Variants in PSPC1 observed in about 807,000 individuals in gnomAD.
PSPC1 encodes paraspeckle component 1, also known as paraspeckle protein 1.
Under a neutral mutation model 51.6 loss-of-function variants are expected in PSPC1, and 14 were observed. The ratio of observed to expected loss-of-function variants is 0.27; its 90% CI spans 0.18 to 0.42. The LOEUF (loss-of-function observed/expected upper bound fraction) is 0.42, where lower values mean the gene tolerates loss of function less well. PSPC1 is among the 10% of genes least tolerant of loss of function. The pLI is 1.00. For synonymous variants in PSPC1, 193 were observed against 231.9 expected (o/e 0.83, Z 1.53); for missense variants, 406 against 701.1 (o/e 0.58, Z 4.75).
chr13:19,744,574 C>CT lies in PSPC1; in HGVS notation c.968-2926dup, dbSNP rs576877307. On this transcript the variant is annotated intron_variant, in intron 4 of 8. Coordinates refer to ENST00000338910, the MANE Select transcript of PSPC1 (RefSeq NM_001354909.2). ...AGATGTCTTTTTTTTTCTTTTTTTT[C>CT]TTTTTTTTGAGACAGAGTCTCGCTT... 8.8e-3 allele frequency among the ~76,000 whole-genome samples: 1,292 copies of CT among 147,470 alleles called. 21 individuals are homozygous for CT. Among genetic ancestry groups the CT allele is most frequent in the African/African-American group, 0.031 (1,235 of 40,236 alleles).
chr13:19,714,572 G>A (rs1225325991), intron 6 of PSPC1, among the ~76,000 whole-genome samples: 1 of 145,360 alleles, frequency 6.9e-6, no homozygotes, highest in Non-Finnish European at 1.5e-5. Flanking sequence ...CTCAACTCAT[G>A]CAGCCTCTGA....
At chr13:19,743,391 A>G (rs1055387944) in intron 4 of PSPC1, among the ~76,000 whole-genome samples, 2 of 152,216 alleles carry the variant, frequency 1.3e-5, no homozygotes, top group Non-Finnish European at 2.9e-5. Flanking sequence ...CCCAAACTTC[A>G]TAACAATAGC....
chr13:19,744,042 AGGCTGC>A (rs1435703925), intron 4 of PSPC1, among the ~76,000 whole-genome samples: 1 of 152,174 alleles, frequency 6.6e-6, no homozygotes, highest in Non-Finnish European at 1.5e-5. Flanking sequence ...CGGGAGGCGG[AGGCTGC>A]AGTGGGCTGA....
intron 6 of PSPC1, among the ~76,000 whole-genome samples, chr13:19,692,005 A>G (rs1366807412): frequency 6.6e-6 from 1 of 152,160 alleles, no homozygotes; most frequent in Non-Finnish European, 1.5e-5. Context: ...GAGGTAGATG[A>G]GGTTGGAAAG....
chr13:19,746,484 G>A (rs1327595542), intron 4 of PSPC1, among the ~76,000 whole-genome samples: 2 of 152,076 alleles, frequency 1.3e-5, no homozygotes, highest in East Asian at 3.9e-4. Context: ...TGACACTTTG[G>A]GAGGCTGAGG....
chr13:19,671,965 T>C (rs975656986), downstream of PSPC1: 19 of 1,366,500 alleles, frequency 1.4e-5, no homozygotes, highest in Non-Finnish European at 1.9e-5. Flanking sequence ...CACATCTATG[T>C]AAAGTTTTGT....
chr13:19,760,067 T>C (rs909532927), intron 2 of PSPC1, among the ~76,000 whole-genome samples: 1 of 152,144 alleles, frequency 6.6e-6, no homozygotes, highest in Non-Finnish European at 1.5e-5. Context: ...GCTTCAGCTA[T>C]TGATTGATTT....
chr13:19,749,385 T>C (rs1260494149), intron 4 of PSPC1, among the ~76,000 whole-genome samples: 1 of 151,562 alleles, frequency 6.6e-6, no homozygotes, highest in Non-Finnish European at 1.5e-5. Flanking sequence ...CTGGGCGTGG[T>C]AGCACGCACC....
intron 1 of PSPC1, among the ~76,000 whole-genome samples, chr13:19,779,413 G>T (rs28483224): frequency 1.2e-5 from 1 of 84,446 alleles, no homozygotes; most frequent in Admixed American, 1.0e-4. Context: ...CAGCCGCCCC[G>T]TCCGGGAGGT....
chr13:19,778,135 C>A (rs7330584), intron 1 of PSPC1, among the ~76,000 whole-genome samples: 7 of 149,876 alleles, frequency 4.7e-5, no homozygotes, highest in Middle Eastern at 3.6e-3. Flanking sequence ...CCAGCTACTC[C>A]AGAGGCTGAG....
At chr13:19,739,167 C>T (rs1427488420) in intron 5 of PSPC1, among the ~76,000 whole-genome samples, 2 of 152,170 alleles carry the variant, frequency 1.3e-5, no homozygotes, top group Non-Finnish European at 2.9e-5. Flanking sequence ...CCAGTCAACA[C>T]ACTATTTTCC....
intron 6 of PSPC1, among the ~76,000 whole-genome samples, chr13:19,728,939 A>AC (rs1487876513): frequency 2.0e-4 from 30 of 152,306 alleles, no homozygotes; most frequent in African/African-American, 7.0e-4. Flanking sequence ...TTCCACAGAC[A>AC]CTATAAAAAG....
At chr13:19,733,159 A>G (rs914804079) in intron 5 of PSPC1, among the ~76,000 whole-genome samples, 6 of 152,278 alleles carry the variant, frequency 3.9e-5, no homozygotes, top group African/African-American at 1.4e-4. Flanking sequence ...GCAAAAGATC[A>G]AGGACACATT....
chr13:19,758,613 AC>A (rs1887317624), intron 3 of PSPC1, among the ~76,000 whole-genome samples: 1 of 151,868 alleles, frequency 6.6e-6, no homozygotes, highest in African/African-American at 2.4e-5. Context: ...CGGGTAGATC[AC>A]CTGAGATCAG....
chr13:19,674,561 A>G (rs999429896), downstream of PSPC1: 1 of 152,228 alleles, frequency 6.6e-6, no homozygotes, highest in Non-Finnish European at 1.5e-5. Context: ...ATGAGAATAT[A>G]CTAGTGCTGG....
At chr13:19,701,533 T>A (rs1879904369), downstream of PSPC1, among the ~76,000 whole-genome samples, 1 of 152,162 alleles carries the variant, frequency 6.6e-6, no homozygotes, top group Non-Finnish European at 1.5e-5. Flanking sequence ...CAAAAGCCTA[T>A]GAATACCACA....
At chr13:19,680,945 C>T (rs1180707865) in intron 6 of PSPC1, among the ~76,000 whole-genome samples, 1 of 152,168 alleles carries the variant, frequency 6.6e-6, no homozygotes, top group Non-Finnish European at 1.5e-5. Context: ...AGGCCGGGCA[C>T]GGTGGCTCAT....
intron 6 of PSPC1, among the ~76,000 whole-genome samples, chr13:19,688,178 A>T (rs1878146431): frequency 6.6e-6 from 1 of 152,054 alleles, no homozygotes; most frequent in Non-Finnish European, 1.5e-5. Context: ...CAACTATTGT[A>T]TCTTATATGC....
intron 2 of PSPC1, among the ~76,000 whole-genome samples, chr13:19,765,308 A>C (rs2138245702): frequency 6.7e-6 from 1 of 149,800 alleles, no homozygotes; most frequent in Non-Finnish European, 1.5e-5. Flanking sequence ...GGGTGACAGA[A>C]TGAGAGCCCA....
Sources: gnomAD v4.1 joint callset for allele counts (sites outside exome capture counted in the v4.1 genomes callset) on GRCh38, gnomAD v4.1.1 for gene constraint, MANE v1.5 for transcripts, NCBI Gene and HGNC (gene_info 2026-07-23, HGNC 2026-07-21) for gene names.